The following ZNF705G variants were observed in gnomAD, a reference collection of about 807,000 sequenced individuals.
ZNF705G encodes putative zinc finger protein 705G.
ZNF705G carries 23 observed loss-of-function variants against 19.6 expected under a neutral mutation model. The ratio of observed to expected loss-of-function variants is 1.17; its 90% confidence interval spans 0.84 to 1.66. The LOEUF is 1.66. ZNF705G is among the 40% of genes most tolerant of loss of function. The pLI, the probability that ZNF705G is intolerant of heterozygous loss-of-function variation, is 0.00. For missense variants in ZNF705G, 457 were observed against 354.4 expected, an observed-to-expected ratio of 1.29 and a Z score of -2.32; for synonymous variants, 146 against 117.7, an observed-to-expected ratio of 1.24 and a Z score of -1.56.
rs184036256 is a variant in ZNF705G at position 7,356,489 on chromosome 8, T to A, written c.*1487A>T. ...GAGGAAAGGGCTGCGGACACCCAAA[T>A]GCATATACAAGGTGTCTTTGATACA... On this transcript the variant is annotated 3_prime_UTR_variant, in exon 7 of 7. Coordinates refer to ENST00000400156, the MANE Select transcript of ZNF705G (RefSeq NM_001164457.3). 1.3e-5 allele frequency: 2 copies of A among 149,848 alleles called. No homozygotes were observed. Among genetic ancestry groups the A allele is most frequent in the Non-Finnish European group, 2.9e-5 (2 of 68,106 alleles). The allele number at this position is 149,848 out of a possible 1,614,324, so 9.3% of individuals were successfully genotyped here.
chr8:7,367,026 A>G (rs1334944777), intron 2 of ZNF705G, among the ~76,000 whole-genome samples: 1 of 149,724 alleles, frequency 6.7e-6, no homozygotes, highest in Admixed American at 6.6e-5. Flanking sequence ...ATTTTGGCCA[A>G]TACAGATCTA....
At chr8:7,365,375 A>ATTTTTTTTTTTTTTTTTTTTTTTTTTTTT (rs71253679) in intron 2 of ZNF705G, among the ~76,000 whole-genome samples, 2 of 112,056 alleles carry the variant, frequency 1.8e-5, no homozygotes, top group Non-Finnish European at 1.7e-5. Context: ...GTCTCTCTCT[A>ATTTTTTTTTTTTTTTTTTTTTTTTTTTTT]TTTTTTTTTT....
chr8:7,360,714 T>G (rs1198991864), intron 4 of ZNF705G, among the ~76,000 whole-genome samples: 4 of 149,628 alleles, frequency 2.7e-5, no homozygotes, highest in Non-Finnish European at 5.9e-5. Context: ...TAATTGGTGT[T>G]CTATATGGAA....
chr8:7,384,585 G>C (rs541947526), intron 1 of ZNF705G, among the ~76,000 whole-genome samples: 1 of 145,848 alleles, frequency 6.9e-6, no homozygotes, highest in East Asian at 1.9e-4. Flanking sequence ...ATAAAGCCTG[G>C]AATGTCTCAA....
At chr8:7,378,325 AC>A (rs1438702856) in intron 2 of ZNF705G, among the ~76,000 whole-genome samples, 2 of 124,916 alleles carry the variant, frequency 1.6e-5, no homozygotes, top group Admixed American at 1.6e-4. Context: ...TTTTTTCAGC[AC>A]CCTTTTCGGA....
rs147833541 is a variant in ZNF705G at position 7,383,553 on chromosome 8, G to A, written c.-222+1945C>T. 1.4e-4 allele frequency among the ~76,000 whole-genome samples: 20 copies of A among 146,690 alleles called. No individual in the cohort carries two copies. In the East Asian group the frequency reaches 3.5e-3, roughly 26 times the overall value. ...AATAAATTGACAGAGGGAGGAAGGAGGTAAGGAAGTGCTGTGGCCTGAATG... is the reference window on the plus strand; with the variant it reads ...AATAAATTGACAGAGGGAGGAAGGAAGTAAGGAAGTGCTGTGGCCTGAATG... On this transcript the variant is annotated intron_variant, in intron 1 of 6. Transcript: ENST00000400156.
intron 3 of ZNF705G, among the ~76,000 whole-genome samples, chr8:7,362,097 C>T (rs1806629028): frequency 6.7e-6 from 1 of 149,662 alleles, no homozygotes; most frequent in Admixed American, 6.6e-5. Context: ...CTTCTCACTA[C>T]ACTTGTTCAA....
At chr8:7,379,586 T>C (rs1332442167) in intron 2 of ZNF705G, among the ~76,000 whole-genome samples, 1 of 146,524 alleles carries the variant, frequency 6.8e-6, no homozygotes, top group Non-Finnish European at 1.5e-5. Context: ...ATCTCTGAGG[T>C]ATGGAAGGAA....
intron 2 of ZNF705G, among the ~76,000 whole-genome samples, chr8:7,380,067 T>C (rs1807419934): frequency 7.0e-6 from 1 of 142,856 alleles, no homozygotes; most frequent in South Asian, 2.2e-4. Flanking sequence ...TCCAGGGAAC[T>C]GGCAGTGCCA....
chr8:7,366,110 A>C (rs1806843499), intron 2 of ZNF705G, among the ~76,000 whole-genome samples: 1 of 149,040 alleles, frequency 6.7e-6, no homozygotes, highest in African/African-American at 2.6e-5. Context: ...GATTTTTTTA[A>C]AGTATGAAAC....
chr8:7,358,542 C>T lies in ZNF705G; in HGVS notation c.337G>A (p.Glu113Lys), dbSNP rs757417323. ...GAATCATTACATTCAAAAGGATCCTCCAGAATGAGAGAGTTCTCCTTTGGG... is the reference window on the plus strand; with the variant it reads ...GAATCATTACATTCAAAAGGATCCTTCAGAATGAGAGAGTTCTCCTTTGGG... ...SMTMENSLIL[E>K]DPFECNDSGE... Residue 113 changes from glutamate (E) to lysine (K), a missense_variant, in exon 7 of 7, where the codon GAG becomes AAG. Coordinates refer to ENST00000400156, the MANE Select transcript of ZNF705G (RefSeq NM_001164457.3). The T allele has an allele frequency of 3.7e-6, 6 of 1,607,452 alleles. No homozygotes were observed. The highest frequency in any genetic ancestry group is 5.1e-6 in the Non-Finnish European group (6 of 1,179,572).
intron 3 of ZNF705G, among the ~76,000 whole-genome samples, chr8:7,362,215 C>T (rs1191969330): frequency 6.7e-6 from 1 of 149,604 alleles, no homozygotes. Flanking sequence ...TCTGAGTGTG[C>T]AACCATAATT....
intron 6 of ZNF705G, among the ~76,000 whole-genome samples, chr8:7,359,357 C>A (rs1241221742): frequency 6.7e-6 from 1 of 149,744 alleles, no homozygotes; most frequent in Non-Finnish European, 1.5e-5. Flanking sequence ...AGCGTTATTG[C>A]ATAATTGTGT....
Position 7,358,488 on chromosome 8 carries a change from T to C in ZNF705G, c.391A>G (p.Ile131Val), listed in dbSNP as rs189274234. 253 of 1,607,642 alleles carry C rather than the reference T, an allele frequency of 1.6e-4. 2 individuals carry two copies. Among genetic ancestry groups the C allele is most frequent in the Admixed American group, 1.4e-3 (83 of 59,948 alleles). ...SGEDCTRSST[I>V]TQCLLTHSGK... Reference sequence around the variant, plus strand: ...CTATGAGTTAACAAACACTGAGTTATTGTGGAACTGCGAGTGCAATCTTCT... The same window carrying C: ...CTATGAGTTAACAAACACTGAGTTACTGTGGAACTGCGAGTGCAATCTTCT... The change falls in exon 7 of 7, where the codon ATA (isoleucine) becomes GTA (valine). Residue 131 changes from isoleucine to valine, a missense_variant. Coordinates refer to ENST00000400156, the MANE Select transcript of ZNF705G (RefSeq NM_001164457.3).
chr8:7,360,614 T>A (rs1248926351), intron 4 of ZNF705G, among the ~76,000 whole-genome samples: 1 of 149,398 alleles, frequency 6.7e-6, no homozygotes, highest in Non-Finnish European at 1.5e-5. Context: ...TAATACACAA[T>A]CTTTTCAGAA....
At chr8:7,382,786 C>T (rs1807552801) in intron 1 of ZNF705G, among the ~76,000 whole-genome samples, 1 of 146,752 alleles carries the variant, frequency 6.8e-6, no homozygotes, top group South Asian at 2.1e-4. Flanking sequence ...GTTAAATTCT[C>T]TCTCTTCTTT....
chr8:7,360,132 T>C (rs2128835762), intron 5 of ZNF705G, 105 bp downstream of exon 5: 1 of 1,320,722 alleles, frequency 7.6e-7, no homozygotes, highest in East Asian at 2.4e-5. Flanking sequence ...AACCTACATT[T>C]TAGAAATTAT....
intron 4 of ZNF705G, among the ~76,000 whole-genome samples, chr8:7,360,761 C>G (rs1473712709): frequency 6.7e-6 from 1 of 149,328 alleles, no homozygotes; most frequent in East Asian, 1.9e-4. Context: ...TGGTCTCAGC[C>G]TAAGCATAGA....
chr8:7,361,349 G>A, intron 3 of ZNF705G, 113 bp from the exon 4 acceptor site: 9 of 1,568,440 alleles, frequency 5.7e-6, no homozygotes, highest in African/African-American at 1.5e-5. Context: ...TCAGTGTTTT[G>A]GGTTCCAGCC....
Sources: gnomAD v4.1 joint callset for allele counts (sites outside exome capture counted in the v4.1 genomes callset) on GRCh38, gnomAD v4.1.1 for gene constraint, MANE v1.5 for transcripts, NCBI Gene and HGNC (gene_info 2026-07-23, HGNC 2026-07-21) for gene names.